The following PHACTR2 variants were observed in gnomAD, a reference collection of about 807,000 sequenced individuals.
PHACTR2 encodes chromosome 6 open reading frame 56.
PHACTR2 carries 30 observed loss-of-function variants against 76.0 expected under a neutral mutation model. The observed-to-expected ratio is 0.39, with a 90% CI of 0.30 to 0.54. The LOEUF is 0.54. Ranked by LOEUF, PHACTR2 falls within the 20% of genes least tolerant of loss-of-function variation. The pLI, the probability that PHACTR2 is intolerant of heterozygous loss-of-function variation, is 0.61. For synonymous variants in PHACTR2, 292 were observed against 292.5 expected (o/e 1.00, Z 0.02); for missense variants, 696 against 781.1 (o/e 0.89, Z 1.30).
At chr6:143,745,162 G>A (rs1779029025) in intron 2 of PHACTR2, among the ~76,000 whole-genome samples, 1 of 152,188 alleles carries the variant, frequency 6.6e-6, no homozygotes, top group Non-Finnish European at 1.5e-5. Flanking sequence ...ATAGATTGGT[G>A]TAAGCTTCAA....
intron 2 of PHACTR2, among the ~76,000 whole-genome samples, chr6:143,720,564 A>G (rs1037979181): frequency 6.6e-6 from 1 of 152,174 alleles, no homozygotes; most frequent in African/African-American, 2.4e-5. Context: ...TTTGTCTGAT[A>G]ATGTAACCAT....
intron 1 of PHACTR2, among the ~76,000 whole-genome samples, chr6:143,643,464 T>A (rs1399485845): frequency 6.6e-6 from 1 of 152,240 alleles, no homozygotes; most frequent in Non-Finnish European, 1.5e-5. Flanking sequence ...TTTAGTAACA[T>A]TCCTTTGTGA....
chr6:143,781,353 T>G (rs1775428958), intron 9 of PHACTR2, among the ~76,000 whole-genome samples: 1 of 152,194 alleles, frequency 6.6e-6, no homozygotes, highest in South Asian at 2.1e-4. Context: ...CTTTCAAATA[T>G]TCCCTTCAAG....
intron 2 of PHACTR2, among the ~76,000 whole-genome samples, chr6:143,735,194 G>T (rs1365470402): frequency 6.6e-6 from 1 of 152,004 alleles, no homozygotes; most frequent in Non-Finnish European, 1.5e-5. Flanking sequence ...TTTTGAAATT[G>T]GTACTCATGA....
chr6:143,612,203 T>C (rs544854453), intron 1 of PHACTR2, among the ~76,000 whole-genome samples: 50 of 152,342 alleles, frequency 3.3e-4, no homozygotes, highest in Non-Finnish European at 5.6e-4. Context: ...TTCAAATGCT[T>C]CATCTTTTTT....
intron 1 of PHACTR2, among the ~76,000 whole-genome samples, chr6:143,649,641 A>G (rs1204195989): frequency 6.6e-6 from 1 of 152,216 alleles, no homozygotes; most frequent in Admixed American, 6.5e-5. Flanking sequence ...ATAAAATTCA[A>G]CATCGCTTCA....
chr6:143,642,633 A>G (rs1776587207), intron 1 of PHACTR2, among the ~76,000 whole-genome samples: 1 of 152,238 alleles, frequency 6.6e-6, no homozygotes, highest in Non-Finnish European at 1.5e-5. Context: ...TCATTAGGGT[A>G]GGCTCTAATC....
rs1284503267 is a variant in PHACTR2, at chr6:143,659,868, T to A, written c.13+51546T>A. Among the ~76,000 whole-genome samples the A allele has an allele frequency of 6.6e-6, 1 of 152,232 alleles. No homozygotes were observed. Among genetic ancestry groups the A allele is most frequent in the Non-Finnish European group, 1.5e-5 (1 of 68,038 alleles). ...GAATGTTCCTGATTAGCTTTAGCAC[T>A]GGTGTATTTCAACCAAATCAATTTT... On this transcript the variant is annotated intron_variant, in intron 1 of 11. Transcript: ENST00000305766. This position sits in a 1 kb window ranked among gnomAD's most constrained non-coding sequence, Gnocchi z 5.0.
intron 12 of PHACTR2, among the ~76,000 whole-genome samples, chr6:143,814,729 A>G (rs1776262587): frequency 6.6e-6 from 1 of 151,660 alleles, no homozygotes; most frequent in African/African-American, 2.4e-5. Flanking sequence ...CAGCCTCCCA[A>G]ATAGCTGGGA....
rs1478228444 is a variant in PHACTR2, at chr6:143,697,774, C to G, written c.47-14242C>G. ...AGCCTAGGCCTTGTAAATTATTGCC[C>G]CACATTTACCCATGACTTATTCTTT... On this transcript the variant is annotated intron_variant, in intron 1 of 12. Transcript: ENST00000440869. This position sits in a 1 kb window ranked among gnomAD's most constrained non-coding sequence, Gnocchi z 4.4. 6.6e-6 allele frequency among the ~76,000 whole-genome samples: 1 copy of G among 152,182 alleles called. No individual in the cohort carries two copies. The highest frequency in any genetic ancestry group is 1.5e-5 in the Non-Finnish European group (1 of 68,038).
chr6:143,665,887 T>A (rs1401510720), intron 1 of PHACTR2, among the ~76,000 whole-genome samples: 2 of 152,232 alleles, frequency 1.3e-5, no homozygotes, highest in Non-Finnish European at 2.9e-5. Flanking sequence ...TTTTATTTTA[T>A]TATACTTTAA....
rs1021671720 is a variant in PHACTR2 at position 143,570,862 on chromosome 6, T to G, written c.217+33655T>G. ...CCGGACTCCTCCTCTTCTTCCAAAA[T>G]TCAGGCTGAAGACAATTGCCCTGAT... On this transcript the variant is annotated intron_variant, in intron 1 of 11. Transcript: ENST00000367584. This position sits in a 1 kb window ranked among gnomAD's most constrained non-coding sequence, Gnocchi z 4.6. 2.0e-5 allele frequency among the ~76,000 whole-genome samples: 3 copies of G among 152,256 alleles called. No homozygotes were observed. Among genetic ancestry groups the G allele is most frequent in the Middle Eastern group, 3.4e-3 (1 of 294 alleles).
intron 1 of PHACTR2, among the ~76,000 whole-genome samples, chr6:143,572,994 T>C (rs1775464602): frequency 6.6e-6 from 1 of 152,258 alleles, no homozygotes; most frequent in African/African-American, 2.4e-5. Flanking sequence ...ATGAAATGTT[T>C]TTTACTTTCT....
chr6:143,715,005 A>AC (rs1778271094), intron 2 of PHACTR2, among the ~76,000 whole-genome samples: 1 of 152,146 alleles, frequency 6.6e-6, no homozygotes, highest in Non-Finnish European at 1.5e-5. Context: ...ACAGTGTATT[A>AC]CCATCAAAAC....
chr6:143,685,411 C>G (rs1360530411), intron 1 of PHACTR2, among the ~76,000 whole-genome samples: 1 of 151,970 alleles, frequency 6.6e-6, no homozygotes, highest in East Asian at 1.9e-4. Flanking sequence ...TAAGCAACCA[C>G]ATAGGAAAAC....
chr6:143,792,651 G>A (rs1027066290), intron 11 of PHACTR2, among the ~76,000 whole-genome samples: 2 of 152,128 alleles, frequency 1.3e-5, no homozygotes, highest in African/African-American at 4.8e-5. Context: ...CTGACAAATA[G>A]GCTACTTTGG....
chr6:143,797,831 A>G (rs1019195079), intron 11 of PHACTR2, among the ~76,000 whole-genome samples: 7 of 152,184 alleles, frequency 4.6e-5, no homozygotes, highest in Non-Finnish European at 1.0e-4. Context: ...TCAGGTAGCA[A>G]GATGCCTCCA....
rs937224616 is a variant in PHACTR2 at position 143,543,751 on chromosome 6, T to A, written c.217+6544T>A. Among the ~76,000 whole-genome samples the A allele has an allele frequency of 1.3e-5, 2 of 152,190 alleles. No homozygotes were observed. Among genetic ancestry groups the A allele is most frequent in the Admixed American group, 6.5e-5 (1 of 15,278 alleles). On this transcript the variant is annotated intron_variant, in intron 1 of 11. Coordinates refer to the PHACTR2 transcript ENST00000367584. The surrounding 1 kb of genome is among the most constrained non-coding windows in gnomAD (Gnocchi z 4.7). ...TGGGAGAGAAGGGAGAGTAGAGAGC[T>A]GGGCAGAGACTGAGTATGGGAGGTT...
Position 143,800,301 on chromosome 6 carries a change from G to A in PHACTR2, c.1846-6756G>A, listed in dbSNP as rs2128482191. ...TTTTGAGACCGAGTCTGGCTCTGTT[G>A]CCCAGGCTGGAGTGCAGTGGTGCAA... is the stretch of plus-strand genomic sequence containing the variant. On this transcript the variant is annotated intron_variant, in intron 11 of 12. Coordinates refer to ENST00000440869, the MANE Select transcript of PHACTR2 (RefSeq NM_001100164.2). The surrounding 1 kb of genome is among the most constrained non-coding windows in gnomAD (Gnocchi z 4.8). 6.6e-6 allele frequency among the ~76,000 whole-genome samples: 1 copy of A among 151,696 alleles called. No homozygotes were observed. The highest frequency in any genetic ancestry group is 3.4e-3 in the Middle Eastern group (1 of 294).
Sources: allele counts gnomAD v4.1 joint callset (sites outside exome capture counted in the v4.1 genomes callset), GRCh38; gene constraint gnomAD v4.1.1; non-coding constraint Gnocchi (gnomAD v3.1); transcripts MANE v1.5; gene names NCBI Gene and HGNC (gene_info 2026-07-23, HGNC 2026-07-21).